The following BPIFB2 variants were observed in gnomAD, a reference collection of about 807,000 sequenced individuals.
The protein encoded by BPIFB2 is BPI fold-containing family B member 2.
BPIFB2 carries 39 observed loss-of-function variants against 50.1 expected under a neutral mutation model. The observed-to-expected ratio is 0.78, with a 90% confidence interval of 0.60 to 1.02. BPIFB2 has a LOEUF of 1.02. Among genes scored for constraint, BPIFB2 ranks in the 50% least tolerant of loss-of-function variants. BPIFB2 has a pLI of 0.00. For synonymous variants in BPIFB2, 280 were observed against 256.3 expected, an observed-to-expected ratio of 1.09 and a Z score of -0.88; for missense variants, 574 against 585.8, an observed-to-expected ratio of 0.98 and a Z score of 0.21.
At chr20:33,018,917 G>T (rs1234294948) in intron 9 of BPIFB2, 95 bp downstream of exon 9, 1 of 1,567,508 alleles carries the variant, frequency 6.4e-7, no homozygotes, top group African/African-American at 1.4e-5. Context: ...ATGGGTGGGT[G>T]GGGCCGCTGA....
chr20:33,021,659 G>T (rs1416706859), intron 14 of BPIFB2, 64 bp from the exon 15 acceptor site: 23 of 1,492,382 alleles, frequency 1.5e-5, no homozygotes, highest in Non-Finnish European at 2.1e-5. Context: ...GTGCTGTGAT[G>T]CACATGAGGG....
chr20:33,020,593 T>A lies in BPIFB2; in HGVS notation c.1194+6T>A. 1.2e-6 allele frequency: 2 copies of A among 1,605,518 alleles called. No individual in the cohort carries two copies. The highest frequency in any genetic ancestry group is 1.7e-6 in the Non-Finnish European group (2 of 1,174,846). ...CCAACGTGGGCTTCATTGATGTGAGTGTGGGGCTGGGGCCTCTAGAAACCC... is the reference window on the plus strand; with the variant it reads ...CCAACGTGGGCTTCATTGATGTGAGAGTGGGGCTGGGGCCTCTAGAAACCC... On this transcript the variant is annotated splice_donor_region_variant and intron_variant, in intron 13 of 15. Transcript: ENST00000170150.
At chr20:33,013,687 T>G in intron 4 of BPIFB2, 123 bp from the exon 5 acceptor site, 1 of 1,357,818 alleles carries the variant, frequency 7.4e-7, no homozygotes, top group Non-Finnish European at 1.0e-6. Flanking sequence ...ACTCTGGGAG[T>G]GGGGGGCCTG....
chr20:33,019,904 C>T (rs1848451004), intron 11 of BPIFB2, among the ~76,000 whole-genome samples, 154 bp downstream of exon 11: 1 of 152,242 alleles, frequency 6.6e-6, no homozygotes, highest in Non-Finnish European at 1.5e-5. Flanking sequence ...TTTGCATGTG[C>T]TGAGCCCTCG....
intron 4 of BPIFB2, among the ~76,000 whole-genome samples, chr20:33,013,246 A>G (rs1990313460): frequency 6.6e-6 from 1 of 152,138 alleles, no homozygotes; most frequent in African/African-American, 2.4e-5. Context: ...TCTCTTTCCC[A>G]GGGCAAGGCA....
At chr20:33,021,048 G>A (rs1321894696) in intron 13 of BPIFB2, among the ~76,000 whole-genome samples, 3 of 152,170 alleles carry the variant, frequency 2.0e-5, no homozygotes, top group East Asian at 1.9e-4. Context: ...CCTCCACTCC[G>A]GTGAGCACTG....
chr20:33,014,925 G>C lies in BPIFB2; in HGVS notation c.456-511G>C, dbSNP rs57441727. The stretch of plus-strand genomic sequence containing the variant: ...CAGGGAGCTGGTTCAGCAAGGTTGG[G>C]CTGTGGCTTGGATCGACATTTTTGC... On this transcript the variant is annotated intron_variant, in intron 5 of 15. Coordinates refer to ENST00000170150, the MANE Select transcript of BPIFB2 (RefSeq NM_025227.3). Among the ~76,000 whole-genome samples the C allele has an allele frequency of 1.4e-4, 21 of 152,298 alleles. No individual in the cohort carries two copies. In the East Asian group the frequency reaches 3.9e-3, roughly 28 times the overall value.
rs1040517563 is a variant in BPIFB2 at position 33,008,630 on chromosome 20, G to A, written c.56G>A (p.Gly19Asp). 8.7e-6 allele frequency: 14 copies of A among 1,607,702 alleles called. No individual in the cohort carries two copies. The East Asian group carries it at 1.3e-4, about 15-fold the overall frequency. Reference sequence around the variant, plus strand: ...CTGGCACTGCTGCTGCCCGTGGTCGGTGCCTCCACGCCAGGCACCGTGGTC... The same window carrying A: ...CTGGCACTGCTGCTGCCCGTGGTCGATGCCTCCACGCCAGGCACCGTGGTC... The part of the protein sequence containing the change: ...LLLALLLPVV[G>D]ASTPGTVVRL... Residue 19 changes from glycine (G) to aspartate (D), a missense_variant, in exon 2 of 16, where the codon GGT becomes GAT. By Grantham distance (94) the Gly-to-Asp change is moderately conservative (BLOSUM62 -1). Transcript: ENST00000170150.
intron 5 of BPIFB2, 125 bp from the exon 6 acceptor site, chr20:33,015,311 C>T: frequency 4.0e-6 from 3 of 746,740 alleles, no homozygotes; most frequent in South Asian, 2.1e-5. Context: ...GGCAGGGCAT[C>T]GAATGGAATT....
At chr20:33,017,247 G>A in intron 7 of BPIFB2, 145 bp downstream of exon 7, 1 of 598,404 alleles carries the variant, frequency 1.7e-6, no homozygotes, top group Non-Finnish European at 2.7e-6. Context: ...TCCCAAAACA[G>A]TGTAATTATT....
At chr20:33,019,245 C>T (rs566685609) in intron 10 of BPIFB2, 130 bp downstream of exon 10, 7 of 1,161,218 alleles carry the variant, frequency 6.0e-6, no homozygotes, top group Middle Eastern at 2.0e-4. Flanking sequence ...AAACCTACTC[C>T]TCCATCTTGG....
rs1386356084 is a variant in BPIFB2 at position 33,021,921 on chromosome 20, C to T, written c.1335+122C>T. The stretch of plus-strand genomic sequence containing the variant: ...AAACCATGCCATGAATCCTTAACTG[C>T]AATGAAATGAAAAGTCCAGGATGCC... On this transcript the variant is annotated intron_variant, in intron 15 of 15. Transcript: ENST00000170150. The T allele has an allele frequency of 4.1e-6, 4 of 976,008 alleles. No individual in the cohort carries two copies. In the African/African-American group the frequency reaches 4.9e-5, roughly 12 times the overall value. The allele number at this position is 976,008 out of a possible 1,614,324, so 60.5% of individuals were successfully genotyped here. A position where few individuals can be genotyped will look rare whatever the true frequency, so the allele number is the denominator to read the frequency against.
At chr20:33,022,930 T>A (rs940419263) in intron 15 of BPIFB2, among the ~76,000 whole-genome samples, 2 of 152,016 alleles carry the variant, frequency 1.3e-5, no homozygotes, top group Non-Finnish European at 2.9e-5. Flanking sequence ...TGATGAAGAT[T>A]TACTGAATGA....
At chr20:33,016,786 C>T (rs945132905) in intron 6 of BPIFB2, among the ~76,000 whole-genome samples, 6 of 152,236 alleles carry the variant, frequency 3.9e-5, no homozygotes, top group South Asian at 2.1e-4. Flanking sequence ...CTGGGCTCCA[C>T]GGCCTCTGTT....
chr20:33,021,185 G>A lies in BPIFB2; in HGVS notation c.1195-96G>A, dbSNP rs1978652429. ...AGCCTCTGCCATCCATCTGTTGTCT[G>A]TCTGTCTCTGTGTATATTTATGTAT... is the stretch of plus-strand genomic sequence containing the variant. On this transcript the variant is annotated intron_variant, in intron 13 of 15. Coordinates refer to ENST00000170150, the MANE Select transcript of BPIFB2 (RefSeq NM_025227.3). The A allele has an allele frequency of 4.5e-6, 6 of 1,335,772 alleles. No homozygotes were observed. In the East Asian group the frequency reaches 1.5e-4, roughly 33 times the overall value. The allele number at this position is 1,335,772 out of a possible 1,614,324, so 82.7% of individuals were successfully genotyped here.
chr20:33,013,832 A>G lies in BPIFB2; in HGVS notation c.331A>G (p.Thr111Ala). The change falls in exon 5 of 16, where the codon ACG becomes GCG. Residue 111 changes from threonine (T) to alanine (A), a missense_variant. Physicochemically the swap from Thr to Ala is moderately conservative, Grantham distance 58 (BLOSUM62 0). Coordinates refer to ENST00000170150, the MANE Select transcript of BPIFB2 (RefSeq NM_025227.3). ...CAGCGCCCCAGAGCCCCTGGAGCTG[A>G]CGCTGCCTGTGGAACTGCTGGCTGA... is the stretch of plus-strand genomic sequence containing the variant. ...VFRAPEPLEL[T>A]LPVELLADTR... 6.2e-7 allele frequency: 1 copy of G among 1,613,712 alleles called. No individual in the cohort carries two copies. Among genetic ancestry groups the G allele is most frequent in the Non-Finnish European group, 8.5e-7 (1 of 1,179,948 alleles).
At chr20:33,018,387 G>A in intron 8 of BPIFB2, 37 bp downstream of exon 8, 1 of 1,547,326 alleles carries the variant, frequency 6.5e-7, no homozygotes, top group Non-Finnish European at 8.9e-7. Flanking sequence ...CTGGGGGCTT[G>A]CTGCCTCTGG....
intron 2 of BPIFB2, among the ~76,000 whole-genome samples, chr20:33,010,349 G>C (rs1990268992): frequency 6.6e-6 from 1 of 152,144 alleles, no homozygotes; most frequent in Non-Finnish European, 1.5e-5. Flanking sequence ...TGGCACTACA[G>C]GATCACAACA....
chr20:33,014,038 C>A, intron 5 of BPIFB2, 82 bp downstream of exon 5: 1 of 1,509,208 alleles, frequency 6.6e-7, no homozygotes, highest in East Asian at 2.3e-5. Flanking sequence ...CCACTCAGGA[C>A]TTTAACCAAT....
Sources: allele counts gnomAD v4.1 joint callset (sites outside exome capture counted in the v4.1 genomes callset), GRCh38; gene constraint gnomAD v4.1.1; transcripts MANE v1.5; gene names NCBI Gene and HGNC (gene_info 2026-07-23, HGNC 2026-07-21).